HM13: variants seen among roughly 807,000 people sequenced by gnomAD.
The protein encoded by HM13 is signal peptide peptidase.
In HM13, 18 loss-of-function variants were observed where a neutral mutation model predicts 50.0. That is an observed-to-expected ratio of 0.36 (90% CI 0.25 to 0.53). The LOEUF (loss-of-function observed/expected upper bound fraction) is 0.53, where lower values mean the gene tolerates loss of function less well. Ranked by LOEUF, HM13 falls within the 20% of genes least tolerant of loss-of-function variation. The probability of loss-of-function intolerance (pLI) is 0.90; values close to 1 mark genes in which losing one functional copy is unlikely to be tolerated. For missense variants in HM13, 393 were observed against 552.4 expected, an observed-to-expected ratio of 0.71 and a Z score of 2.89; for synonymous variants, 197 against 232.6, an observed-to-expected ratio of 0.85 and a Z score of 1.39.
intron 7 of HM13, 38 bp from the exon 8 acceptor site, chr20:31,554,708 C>T (rs1415435757): frequency 3.2e-6 from 5 of 1,545,860 alleles, no homozygotes; most frequent in Non-Finnish European, 2.7e-6. Flanking sequence ...GTAAACTGGG[C>T]TCCAGCTGAC....
intron 3 of HM13, among the ~76,000 whole-genome samples, chr20:31,542,681 T>C (rs1458058359): frequency 6.6e-6 from 1 of 152,172 alleles, no homozygotes; most frequent in African/African-American, 2.4e-5. Context: ...TCCTCCCCTG[T>C]GTAGTGCTAA....
chr20:31,550,672 A>T (rs528968421), intron 7 of HM13, among the ~76,000 whole-genome samples: 1 of 152,338 alleles, frequency 6.6e-6, no homozygotes, highest in Admixed American at 6.5e-5. Flanking sequence ...ACACATAAGG[A>T]CTTAACACAT....
In HM13 at chr20:31,569,225, C is replaced by T. The variant is rs938487852; in HGVS notation, c.*6C>T. 53 of 1,557,332 alleles carry T rather than the reference C, an allele frequency of 3.4e-5. No homozygotes were observed. Among genetic ancestry groups the T allele is most frequent in the Non-Finnish European group, 4.3e-5 (49 of 1,144,944 alleles). On this transcript the variant is annotated 3_prime_UTR_variant, in exon 13 of 13. Transcript: ENST00000398174. ...TGGAGAAGAAAGAGAAATGATGCAG[C>T]TGGTGCCCGAGCCTCTCAGGGCCAG... is the stretch of plus-strand genomic sequence containing the variant.
At chr20:31,526,710 G>A (rs1166888712) in intron 1 of HM13, among the ~76,000 whole-genome samples, 1 of 152,068 alleles carries the variant, frequency 6.6e-6, no homozygotes, top group East Asian at 1.9e-4. Flanking sequence ...TTAAATTTAA[G>A]TTTTGTCAAG....
chr20:31,543,038 A>G (rs1434348957), intron 3 of HM13, among the ~76,000 whole-genome samples: 1 of 152,154 alleles, frequency 6.6e-6, no homozygotes, highest in Non-Finnish European at 1.5e-5. Flanking sequence ...CCATACCTGC[A>G]CTCACACCCT....
At position 31,514,824 on chromosome 20, in the gene HM13, C is replaced by G. The variant is rs568099773; in HGVS notation, c.183+90C>G. 1.5e-5 allele frequency: 17 copies of G among 1,167,948 alleles called. No individual in the cohort carries two copies. Among genetic ancestry groups the G allele is most frequent in the Admixed American group, 8.5e-5 (3 of 35,488 alleles). The allele number at this position is 1,167,948 out of a possible 1,614,324, so 72.3% of individuals were successfully genotyped here. The stretch of plus-strand genomic sequence containing the variant: ...TCCTAGGCGGGACAGACACCTCTCC[C>G]CGGACACTGACTCTTCCCAGCCCTG... On this transcript the variant is annotated intron_variant, in intron 1 of 12. Transcript: ENST00000398174. The surrounding 1 kb of genome is among the most constrained non-coding windows in gnomAD (Gnocchi z 4.3).
intron 2 of HM13, among the ~76,000 whole-genome samples, chr20:31,530,942 C>T (rs1982779683): frequency 6.6e-6 from 1 of 152,236 alleles, no homozygotes; most frequent in South Asian, 2.1e-4. Flanking sequence ...TGCCATTTTA[C>T]ATTCCCACTG....
chr20:31,557,703 C>CTTTTTTTTTTTTTTTTT (rs1180267680), intron 8 of HM13, among the ~76,000 whole-genome samples: 2 of 80,906 alleles, frequency 2.5e-5, no homozygotes, highest in Non-Finnish European at 4.5e-5. Context: ...GGCAGTGCTT[C>CTTTTTTTTTTTTTTTTT]TTTTTTTTTT....
At chr20:31,556,792 G>A (rs1262900638) in intron 8 of HM13, among the ~76,000 whole-genome samples, 8 of 151,976 alleles carry the variant, frequency 5.3e-5, no homozygotes, top group South Asian at 4.1e-4. Context: ...AGGCTGAGGC[G>A]GGTGGATCAT....
intron 3 of HM13, among the ~76,000 whole-genome samples, chr20:31,544,536 C>G (rs1289310798): frequency 3.9e-5 from 6 of 152,172 alleles, no homozygotes; most frequent in African/African-American, 1.4e-4. Flanking sequence ...GGTCATCTAA[C>G]TTGATAGGTT....
chr20:31,550,682 T>C (rs186377752), intron 7 of HM13, among the ~76,000 whole-genome samples: 4 of 152,330 alleles, frequency 2.6e-5, no homozygotes, highest in South Asian at 4.1e-4. Flanking sequence ...ACTTAACACA[T>C]GTGAACTGTG....
At chr20:31,529,184 C>T (rs1982666356) in intron 2 of HM13, among the ~76,000 whole-genome samples, 1 of 152,054 alleles carries the variant, frequency 6.6e-6, no homozygotes, top group South Asian at 2.1e-4. Context: ...GTAACAAACT[C>T]CTTGGCCTCC....
intron 8 of HM13, among the ~76,000 whole-genome samples, chr20:31,555,694 C>G (rs1272913342): frequency 6.6e-6 from 1 of 151,888 alleles, no homozygotes; most frequent in African/African-American, 2.4e-5. Flanking sequence ...TTTAGCTGGG[C>G]ACAGTGGCTC....
chr20:31,524,979 C>T (rs1478835235), intron 1 of HM13, among the ~76,000 whole-genome samples: 1 of 152,102 alleles, frequency 6.6e-6, no homozygotes, highest in Non-Finnish European at 1.5e-5. Context: ...TCCCAAAGTG[C>T]TGGGATTACA....
chr20:31,519,536 T>C (rs1568777929), intron 1 of HM13, among the ~76,000 whole-genome samples: 1 of 152,200 alleles, frequency 6.6e-6, no homozygotes, highest in Admixed American at 6.5e-5. Flanking sequence ...CTTAGAATGC[T>C]AGTTCTCTAG....
intron 8 of HM13, among the ~76,000 whole-genome samples, chr20:31,556,365 G>A (rs916449107): frequency 6.6e-6 from 1 of 152,130 alleles, no homozygotes; most frequent in Non-Finnish European, 1.5e-5. Flanking sequence ...TTTAAAAGAA[G>A]AGGAATTATT....
At chr20:31,542,654 T>A (rs1383322435) in intron 3 of HM13, among the ~76,000 whole-genome samples, 1 of 152,202 alleles carries the variant, frequency 6.6e-6, no homozygotes, top group Non-Finnish European at 1.5e-5. Flanking sequence ...AGGCTCGCGC[T>A]AGCCAGGTTG....
chr20:31,522,548 A>AC (rs373473717), intron 1 of HM13, among the ~76,000 whole-genome samples: 10 of 150,706 alleles, frequency 6.6e-5, no homozygotes, highest in African/African-American at 2.5e-4. Context: ...CTCCACTAAA[A>AC]AAAAACAAAA....
chr20:31,560,989 T>C (rs915602496), intron 9 of HM13, among the ~76,000 whole-genome samples: 1 of 152,180 alleles, frequency 6.6e-6, no homozygotes, highest in African/African-American at 2.4e-5. Context: ...AGTCACGTAA[T>C]GGCAATGCCG....
Sources: gnomAD v4.1 joint callset for allele counts (sites outside exome capture counted in the v4.1 genomes callset) on GRCh38, gnomAD v4.1.1 for gene constraint, Gnocchi (gnomAD v3.1) non-coding constraint, MANE v1.5 for transcripts, NCBI Gene and HGNC (gene_info 2026-07-23, HGNC 2026-07-21) for gene names.